The following KLHL2 variants were observed in gnomAD, a reference collection of about 807,000 sequenced individuals.
The protein encoded by KLHL2 is kelch-like protein 2.
KLHL2 carries 15 observed loss-of-function variants against 75.8 expected under a neutral mutation model. The ratio of observed to expected loss-of-function variants is 0.20; its 90% CI spans 0.13 to 0.30. The LOEUF (loss-of-function observed/expected upper bound fraction) is 0.30, where lower values mean the gene tolerates loss of function less well. Ranked by LOEUF, KLHL2 falls within the 10% of genes least tolerant of loss-of-function variation. The pLI, the probability that KLHL2 is intolerant of heterozygous loss-of-function variation, is 1.00. For synonymous variants in KLHL2, 214 were observed against 251.9 expected, an observed-to-expected ratio of 0.85 and a Z score of 1.42; for missense variants, 381 against 741.0, an observed-to-expected ratio of 0.51 and a Z score of 5.64.
At chr4:165,227,788 T>C (rs1218551822) in intron 2 of KLHL2, among the ~76,000 whole-genome samples, 3 of 152,228 alleles carry the variant, frequency 2.0e-5, no homozygotes, top group African/African-American at 7.2e-5. Flanking sequence ...GCACCACGCA[T>C]TGCATGTCAA....
At chr4:165,235,253 T>C (rs1315301311) in intron 3 of KLHL2, among the ~76,000 whole-genome samples, 1 of 152,236 alleles carries the variant, frequency 6.6e-6, no homozygotes, top group Admixed American at 6.5e-5. Flanking sequence ...CAGGCTAGAG[T>C]GCAGTGGTGC....
chr4:165,264,632 G>A (rs1406256636), intron 5 of KLHL2, among the ~76,000 whole-genome samples: 2 of 124,796 alleles, frequency 1.6e-5, no homozygotes, highest in African/African-American at 3.1e-5. Flanking sequence ...GTATATACAC[G>A]TATATATGTA....
At chr4:165,245,635 C>T (rs1483019080) in intron 4 of KLHL2, among the ~76,000 whole-genome samples, 1 of 152,052 alleles carries the variant, frequency 6.6e-6, no homozygotes, top group African/African-American at 2.4e-5. Context: ...ACATTTAGGG[C>T]AGCAAGATTA....
At chr4:165,256,783 A>G (rs1237450349) in intron 4 of KLHL2, among the ~76,000 whole-genome samples, 1 of 152,248 alleles carries the variant, frequency 6.6e-6, no homozygotes, top group Admixed American at 6.5e-5. Flanking sequence ...TTCATATCAC[A>G]CCTAACCAGA....
intron 5 of KLHL2, among the ~76,000 whole-genome samples, chr4:165,264,788 T>C (rs1253901694): frequency 7.3e-6 from 1 of 136,206 alleles, no homozygotes; most frequent in Non-Finnish European, 1.6e-5. Context: ...ACTCATTGGC[T>C]GATGGGCACT....
At chr4:165,262,461 C>A (rs1286858136) in intron 4 of KLHL2, among the ~76,000 whole-genome samples, 1 of 152,160 alleles carries the variant, frequency 6.6e-6, no homozygotes, top group African/African-American at 2.4e-5. Context: ...TACTCTGGGG[C>A]CACTCCTTCC....
rs1186473633 is a variant in KLHL2 at position 165,234,613 on chromosome 4, ATT to A, written c.260-4145_260-4144del. Among the ~76,000 whole-genome samples the A allele has an allele frequency of 6.7e-3, 769 of 115,228 alleles. 2 individuals are homozygous for A. The highest frequency in any genetic ancestry group is 0.018 in the South Asian group (69 of 3,734). The allele number at this position is 115,228 out of a possible 152,430, so 75.6% of individuals were successfully genotyped here. ...CCTGATTAAAGATCCTTGAGTTGGA[ATT>A]TTTTTTTTTTTTTTTTTTTGAGATG... is the stretch of plus-strand genomic sequence containing the variant. On this transcript the variant is annotated intron_variant, in intron 3 of 14. Transcript: ENST00000226725.
At chr4:165,260,609 A>G (rs1041260140) in intron 4 of KLHL2, among the ~76,000 whole-genome samples, 10 of 152,130 alleles carry the variant, frequency 6.6e-5, no homozygotes, top group Non-Finnish European at 1.5e-4. Context: ...ATAATATACC[A>G]ACGACTAATT....
At chr4:165,306,021 G>GT (rs1252029673) in intron 9 of KLHL2, among the ~76,000 whole-genome samples, 1 of 152,096 alleles carries the variant, frequency 6.6e-6, no homozygotes, top group African/African-American at 2.4e-5. Flanking sequence ...AATTCTTTAG[G>GT]TTGGGACCCT....
At chr4:165,287,525 T>C (rs1445057342) in intron 5 of KLHL2, among the ~76,000 whole-genome samples, 1 of 152,182 alleles carries the variant, frequency 6.6e-6, no homozygotes, top group African/African-American at 2.4e-5. Flanking sequence ...GTGGGATTGT[T>C]GGATCATATG....
intron 4 of KLHL2, among the ~76,000 whole-genome samples, chr4:165,255,190 C>T (rs1579052029): frequency 6.6e-6 from 1 of 152,138 alleles, no homozygotes; most frequent in African/African-American, 2.4e-5. Context: ...GGCTGCTTTG[C>T]CCCCAAATTT....
chr4:165,218,839 T>A (rs1279025832), intron 1 of KLHL2, among the ~76,000 whole-genome samples: 1 of 152,242 alleles, frequency 6.6e-6, no homozygotes, highest in Non-Finnish European at 1.5e-5. Flanking sequence ...GCTTGTTCTT[T>A]GATATATATA....
intron 5 of KLHL2, among the ~76,000 whole-genome samples, chr4:165,285,765 A>G (rs1373267066): frequency 3.1e-5 from 4 of 130,344 alleles, no homozygotes; most frequent in South Asian, 2.2e-4. Context: ...ACGGTGGTAA[A>G]TTTTATGTTT....
At chr4:165,277,897 A>G in intron 5 of KLHL2, 1 of 841,226 alleles carries the variant, frequency 1.2e-6, no homozygotes, top group Non-Finnish European at 2.1e-6. Flanking sequence ...GTCTATGAAT[A>G]GTGTCATCGC....
chr4:165,228,600 C>G (rs905865956), intron 2 of KLHL2, among the ~76,000 whole-genome samples: 1 of 152,104 alleles, frequency 6.6e-6, no homozygotes, highest in African/African-American at 2.4e-5. Context: ...AGGCAGGATT[C>G]TTAGTGAGAG....
In KLHL2 at chr4:165,311,047, C is replaced by T. The variant is rs899362835; in HGVS notation, c.1237+297C>T. ...TTTTTTTTGTATTTTTTAGTAGAGACGGGGTTTCACCATGTTAGCCAGGAT... is the reference window on the plus strand; with the variant it reads ...TTTTTTTTGTATTTTTTAGTAGAGATGGGGTTTCACCATGTTAGCCAGGAT... On this transcript the variant is annotated intron_variant, in intron 10 of 14. Transcript: ENST00000226725. Among the ~76,000 whole-genome samples the T allele has an allele frequency of 2.7e-4, 41 of 151,952 alleles. 2 individuals carry two copies. The highest frequency in any genetic ancestry group is 1.0e-3 in the South Asian group (5 of 4,822).
chr4:165,278,831 A>G lies in KLHL2; in HGVS notation c.544+15472A>G, dbSNP rs530691840. 2.2e-4 allele frequency: 342 copies of G among 1,544,734 alleles called. 1 individual carries two copies. The African/African-American group carries it at 3.8e-3, about 17-fold the overall frequency. The stretch of plus-strand genomic sequence containing the variant: ...TCCATACGTATTTTTGGCTTGTCCA[A>G]TCTGGAAGCACATTTGTCCCACCAG... On this transcript the variant is annotated intron_variant, in intron 5 of 14. Coordinates refer to ENST00000226725, the MANE Select transcript of KLHL2 (RefSeq NM_007246.4).
chr4:165,222,985 G>A (rs1738125980), intron 2 of KLHL2, among the ~76,000 whole-genome samples: 2 of 152,216 alleles, frequency 1.3e-5, no homozygotes, highest in South Asian at 2.1e-4. Flanking sequence ...GTGGGAATGG[G>A]GGTAGGAAGA....
intron 7 of KLHL2, 74 bp downstream of exon 7, chr4:165,297,799 A>G: frequency 1.1e-6 from 1 of 880,492 alleles, no homozygotes; most frequent in African/African-American, 1.6e-5. Context: ...GATCCCTATC[A>G]AGCAGTGATA....
Sources: allele counts gnomAD v4.1 joint callset (sites outside exome capture counted in the v4.1 genomes callset), GRCh38; gene constraint gnomAD v4.1.1; transcripts MANE v1.5; gene names NCBI Gene and HGNC (gene_info 2026-07-23, HGNC 2026-07-21).